Variants in CCSER1 observed in about 807,000 individuals in gnomAD.
CCSER1 encodes coiled-coil serine rich protein 1, also known as serine-rich coiled-coil domain-containing protein 1.
In CCSER1, 41 loss-of-function variants were observed where a neutral mutation model predicts 82.0. The ratio of observed to expected loss-of-function variants is 0.50; its 90% CI spans 0.39 to 0.65. The LOEUF is 0.65. Among genes scored for constraint, CCSER1 ranks in the 30% least tolerant of loss-of-function variants. The pLI is 0.00. For missense variants in CCSER1, 1,119 were observed against 1,064.2 expected (o/e 1.05, Z -0.72); for synonymous variants, 414 against 383.9 (o/e 1.08, Z -0.92).
chr4:90,814,486 C>T (rs1758747253), intron 7 of CCSER1, among the ~76,000 whole-genome samples: 1 of 152,220 alleles, frequency 6.6e-6, no homozygotes, highest in South Asian at 2.1e-4. Context: ...TTTTCTACCT[C>T]ATGGTCAGGC....
intron 5 of CCSER1, among the ~76,000 whole-genome samples, chr4:90,624,477 C>G (rs554023324): frequency 9.9e-5 from 15 of 152,258 alleles, no homozygotes; most frequent in African/African-American, 3.4e-4. Flanking sequence ...TAGTTTGTGT[C>G]AAGATATATG....
intron 10 of CCSER1, among the ~76,000 whole-genome samples, chr4:91,378,338 G>A (rs901038716): frequency 9.2e-5 from 14 of 152,096 alleles, no homozygotes; most frequent in Non-Finnish European, 1.8e-4. Flanking sequence ...AATTACCTTG[G>A]GCAGTGTGGC....
At chr4:90,498,867 TAAC>T (rs1186842798) in intron 5 of CCSER1, among the ~76,000 whole-genome samples, 1 of 152,162 alleles carries the variant, frequency 6.6e-6, no homozygotes, top group Non-Finnish European at 1.5e-5. Flanking sequence ...AAGTGCCACT[TAAC>T]AATTTAAATA....
intron 10 of CCSER1, among the ~76,000 whole-genome samples, chr4:91,398,690 C>A (rs1310465876): frequency 6.6e-6 from 1 of 151,560 alleles, no homozygotes; most frequent in African/African-American, 2.4e-5. Context: ...GATAGCAGTG[C>A]TAAACGAAGT....
At chr4:91,542,391 G>A (rs1428937405) in intron 10 of CCSER1, among the ~76,000 whole-genome samples, 1 of 152,064 alleles carries the variant, frequency 6.6e-6, no homozygotes, top group Admixed American at 6.6e-5. Context: ...AATCCATCTT[G>A]AATTAATTTT....
chr4:90,257,510 G>T (rs976579586), intron 1 of CCSER1, among the ~76,000 whole-genome samples: 3 of 151,566 alleles, frequency 2.0e-5, no homozygotes, highest in Admixed American at 6.6e-5. Flanking sequence ...AGTCCAGAGA[G>T]AGAGAGTGCC....
chr4:91,288,165 TAC>T lies in CCSER1; in HGVS notation c.2217+202181_2217+202182del, dbSNP rs933143179. ...ATACACTCGTATATATATATATACA[TAC>T]ACACACACATATACACATACATACA... On this transcript the variant is annotated intron_variant, in intron 10 of 10. Transcript: ENST00000509176. 4.1e-5 allele frequency among the ~76,000 whole-genome samples: 5 copies of T among 121,786 alleles called. No homozygotes were observed. In the South Asian group the frequency reaches 1.1e-3, roughly 26 times the overall value. The allele number at this position is 121,786 out of a possible 152,430, so 79.9% of individuals were successfully genotyped here.
chr4:90,829,186 A>G (rs1760837697), intron 8 of CCSER1, among the ~76,000 whole-genome samples: 1 of 152,174 alleles, frequency 6.6e-6, no homozygotes, highest in Admixed American at 6.5e-5. Context: ...AACTAAGGAA[A>G]CAACGTTCAA....
intron 7 of CCSER1, among the ~76,000 whole-genome samples, chr4:90,752,145 G>T (rs1392836796): frequency 6.6e-6 from 1 of 151,982 alleles, no homozygotes; most frequent in Non-Finnish European, 1.5e-5. Flanking sequence ...ACTTTACAGC[G>T]ACTCCATGAG....
intron 9 of CCSER1, among the ~76,000 whole-genome samples, chr4:90,962,525 A>G (rs1400963164): frequency 6.6e-6 from 1 of 152,178 alleles, no homozygotes; most frequent in African/African-American, 2.4e-5. Flanking sequence ...GAATACTTAT[A>G]TGCCCTGTAA....
rs1764911838 is a variant in CCSER1, at chr4:91,604,938, C to G, written c.*5881C>G. 6.6e-6 allele frequency: 1 copy of G among 151,822 alleles called. No homozygotes were observed. The highest frequency in any genetic ancestry group is 6.6e-5 in the Admixed American group (1 of 15,210). 9.4% of individuals were successfully genotyped at this position (151,822 alleles called of 1,614,324 possible). Reference sequence around the variant, plus strand: ...AAAAGAATGCAAGAGAATTGATTATCTTAGTTAGACCCCATTTTTAAGGAA... The same window carrying G: ...AAAAGAATGCAAGAGAATTGATTATGTTAGTTAGACCCCATTTTTAAGGAA... On this transcript the variant is annotated 3_prime_UTR_variant, in exon 11 of 11. Transcript: ENST00000509176.
At chr4:91,188,967 A>G (rs377173535) in intron 10 of CCSER1, among the ~76,000 whole-genome samples, 4 of 152,110 alleles carry the variant, frequency 2.6e-5, no homozygotes, top group African/African-American at 9.7e-5. Flanking sequence ...GAAATAGAAA[A>G]AAAGAGTTAT....
chr4:90,765,991 G>A (rs1298936546), intron 7 of CCSER1, among the ~76,000 whole-genome samples: 2 of 152,112 alleles, frequency 1.3e-5, no homozygotes, highest in African/African-American at 4.8e-5. Flanking sequence ...CTGAGGGTTG[G>A]TGGTTGACAC....
chr4:91,170,685 G>T (rs1042694898), intron 10 of CCSER1, among the ~76,000 whole-genome samples: 1 of 152,102 alleles, frequency 6.6e-6, no homozygotes, highest in Non-Finnish European at 1.5e-5. Flanking sequence ...CATTGTATAA[G>T]ATTACACACC....
At chr4:90,694,678 C>CT (rs1373212073) in intron 6 of CCSER1, among the ~76,000 whole-genome samples, 2 of 151,812 alleles carry the variant, frequency 1.3e-5, no homozygotes, top group South Asian at 2.1e-4. Flanking sequence ...CTCACAAAAT[C>CT]TTTTTTCAGT....
intron 8 of CCSER1, chr4:90,911,126 C>G (rs1316261863): frequency 1.1e-5 from 4 of 362,188 alleles, no homozygotes; most frequent in Non-Finnish European, 2.1e-5. Context: ...TTATTTAATT[C>G]CAATATCCAT....
chr4:90,761,829 G>C (rs556515846), intron 7 of CCSER1, among the ~76,000 whole-genome samples: 5 of 152,148 alleles, frequency 3.3e-5, no homozygotes, highest in African/African-American at 9.6e-5. Flanking sequence ...GAGATGAAGT[G>C]AATTTCAAAG....
chr4:90,477,687 T>G (rs185444952), intron 5 of CCSER1, among the ~76,000 whole-genome samples: 60 of 148,004 alleles, frequency 4.1e-4, no homozygotes, highest in African/African-American at 1.3e-3. Context: ...TGTTTCCTGG[T>G]TTTTTTTTTA....
intron 9 of CCSER1, among the ~76,000 whole-genome samples, chr4:90,960,631 C>T (rs908040434): frequency 6.6e-6 from 1 of 152,154 alleles, no homozygotes; most frequent in Non-Finnish European, 1.5e-5. Flanking sequence ...CTAAATGCCT[C>T]ACTGCTGACC....
Sources: allele counts gnomAD v4.1 joint callset (sites outside exome capture counted in the v4.1 genomes callset), GRCh38; gene constraint gnomAD v4.1.1; transcripts MANE v1.5; gene names NCBI Gene and HGNC (gene_info 2026-07-23, HGNC 2026-07-21).